SAE1: variants seen among roughly 807,000 people sequenced by gnomAD.
The protein encoded by SAE1 is SUMO-activating enzyme subunit 1.
Under a neutral mutation model 40.6 loss-of-function variants are expected in SAE1, and 11 were observed. That is an observed-to-expected ratio of 0.27 (90% confidence interval 0.17 to 0.45). The LOEUF is 0.45. Among genes scored for constraint, SAE1 ranks in the 20% least tolerant of loss-of-function variants. SAE1 has a pLI of 1.00. For synonymous variants in SAE1, 155 were observed against 154.3 expected (o/e 1.00, Z -0.03); for missense variants, 373 against 427.3 (o/e 0.87, Z 1.12).
At chr19:47,143,987 C>G (rs2058238828) in intron 2 of SAE1, among the ~76,000 whole-genome samples, 1 of 152,126 alleles carries the variant, frequency 6.6e-6, no homozygotes, top group Non-Finnish European at 1.5e-5. Flanking sequence ...TAGCTTTCAC[C>G]CCTAGTGATT....
intron 4 of SAE1, among the ~76,000 whole-genome samples, chr19:47,153,968 T>C (rs891060759): frequency 5.9e-5 from 9 of 151,884 alleles, no homozygotes; most frequent in African/African-American, 2.2e-4. Flanking sequence ...ATTTTGTATT[T>C]TTAGTAGAGA....
chr19:47,157,126 G>A (rs2058329066), intron 5 of SAE1, among the ~76,000 whole-genome samples: 1 of 152,206 alleles, frequency 6.6e-6, no homozygotes, highest in Admixed American at 6.5e-5. Context: ...CTCCAGCAAG[G>A]CGGCGTTGGA....
chr19:47,151,870 G>T (rs1046813813), intron 3 of SAE1, among the ~76,000 whole-genome samples: 4 of 152,212 alleles, frequency 2.6e-5, no homozygotes, highest in Non-Finnish European at 5.9e-5. Flanking sequence ...TGTGCATGGG[G>T]CCATGTTGAC....
intron 6 of SAE1, among the ~76,000 whole-genome samples, chr19:47,172,780 GAGAAA>G (rs1568599158): frequency 6.9e-6 from 1 of 143,986 alleles, no homozygotes; most frequent in Non-Finnish European, 1.5e-5. Flanking sequence ...AAAAAAAAAA[GAGAAA>G]AGAAAAAAAG....
rs1246092259 is a variant in SAE1, at chr19:47,131,005, G to A, written c.75G>A (p.Leu25=). 7.1e-6 allele frequency: 11 copies of A among 1,545,210 alleles called. No homozygotes were observed. Among genetic ancestry groups the A allele is most frequent in the Non-Finnish European group, 8.7e-6 (10 of 1,144,422 alleles). The change falls in exon 1 of 9, where the codon CTG becomes CTA. Residue 25 remains leucine, a synonymous_variant. Coordinates refer to ENST00000270225, the MANE Select transcript of SAE1 (RefSeq NM_005500.3). The stretch of plus-strand genomic sequence containing the variant: ...CACAGTATGACCGGCAGATCCGCCT[G>A]TGGGGACTGGAGGCCCAGAAACGGT... The part of the protein sequence containing the change: ...EAAQYDRQIR[L]WGLEAQKRLR...
intron 2 of SAE1, among the ~76,000 whole-genome samples, chr19:47,144,855 C>T (rs945446324): frequency 2.6e-5 from 4 of 152,266 alleles, no homozygotes; most frequent in Middle Eastern, 3.4e-3. Context: ...TTTTGCGAGA[C>T]GAGTCTTGCT....
At chr19:47,163,928 C>T (rs1253987397) in intron 5 of SAE1, among the ~76,000 whole-genome samples, 2 of 151,762 alleles carry the variant, frequency 1.3e-5, no homozygotes, top group South Asian at 2.1e-4. Context: ...TGCTACCACA[C>T]CCGGCTAAGT....
At chr19:47,208,171 A>T (rs1379004366) in intron 8 of SAE1, among the ~76,000 whole-genome samples, 3 of 152,206 alleles carry the variant, frequency 2.0e-5, no homozygotes, top group Admixed American at 2.0e-4. Context: ...TTCTCAGTTG[A>T]ATAGTCATGA....
chr19:47,166,023 C>T (rs1418833836), intron 5 of SAE1, among the ~76,000 whole-genome samples: 2 of 152,148 alleles, frequency 1.3e-5, no homozygotes, highest in Admixed American at 1.3e-4. Flanking sequence ...TGGCTTTCTT[C>T]CCTCAGTTGT....
intron 7 of SAE1, among the ~76,000 whole-genome samples, chr19:47,202,696 G>A (rs923926159): frequency 6.6e-6 from 1 of 151,086 alleles, no homozygotes; most frequent in African/African-American, 2.4e-5. Context: ...GGCGGATCAC[G>A]AGGTCAAGAG....
chr19:47,181,145 C>T (rs1187955590), intron 6 of SAE1, among the ~76,000 whole-genome samples: 1 of 151,910 alleles, frequency 6.6e-6, no homozygotes, highest in African/African-American at 2.4e-5. Context: ...GGAGAAACCC[C>T]ATCTCTACTA....
intron 5 of SAE1, among the ~76,000 whole-genome samples, chr19:47,163,607 A>G (rs2058372177): frequency 2.6e-5 from 4 of 152,060 alleles, no homozygotes; most frequent in Admixed American, 2.6e-4. Context: ...CACACCTGTA[A>G]TCCCAGCTAC....
At chr19:47,131,157 GTC>G in intron 1 of SAE1, 129 bp downstream of exon 1, 5 of 1,426,848 alleles carry the variant, frequency 3.5e-6, no homozygotes, top group Non-Finnish European at 4.6e-6. Flanking sequence ...CTCTGGGATC[GTC>G]TCTCTCTTGG....
intron 6 of SAE1, among the ~76,000 whole-genome samples, chr19:47,190,947 T>C (rs1200763295): frequency 6.6e-6 from 1 of 152,212 alleles, no homozygotes; most frequent in Non-Finnish European, 1.5e-5. Flanking sequence ...CCACTTGGAA[T>C]CCTAGGTGCT....
intron 6 of SAE1, among the ~76,000 whole-genome samples, chr19:47,178,533 G>A (rs2058484573): frequency 6.6e-6 from 1 of 152,330 alleles, no homozygotes; most frequent in East Asian, 1.9e-4. Flanking sequence ...GGAGTTGCAG[G>A]TGCAATCTCA....
At chr19:47,191,459 G>GGGCAACAAGACCCAGAAAGGGT (rs1403918534) in intron 6 of SAE1, among the ~76,000 whole-genome samples, 2 of 152,192 alleles carry the variant, frequency 1.3e-5, no homozygotes, top group Non-Finnish European at 2.9e-5. Context: ...TGAGAGAACA[G>GGGCAACAAGACCCAGAAAGGGT]GGCAACAAGA....
At chr19:47,162,551 A>G (rs772093487) in intron 5 of SAE1, among the ~76,000 whole-genome samples, 2 of 152,300 alleles carry the variant, frequency 1.3e-5, no homozygotes, top group Middle Eastern at 3.4e-3. Flanking sequence ...ATTTGTTAGA[A>G]TACTTTGTTA....
At chr19:47,189,441 A>T (rs1030301645) in intron 6 of SAE1, among the ~76,000 whole-genome samples, 2 of 152,106 alleles carry the variant, frequency 1.3e-5, no homozygotes, top group African/African-American at 2.4e-5. Flanking sequence ...CGTGCCTGTA[A>T]TCCCAGCTAC....
chr19:47,196,224 A>G (rs1482874016), intron 6 of SAE1, among the ~76,000 whole-genome samples: 1 of 147,562 alleles, frequency 6.8e-6, no homozygotes, highest in Admixed American at 6.8e-5. Flanking sequence ...TTTAGTAGAG[A>G]CGGGGTTTCA....
Sources: gnomAD v4.1 joint callset for allele counts (sites outside exome capture counted in the v4.1 genomes callset) on GRCh38, gnomAD v4.1.1 for gene constraint, MANE v1.5 for transcripts, NCBI Gene and HGNC (gene_info 2026-07-23, HGNC 2026-07-21) for gene names.